MTOR: variants seen among roughly 807,000 people sequenced by gnomAD.
MTOR encodes serine/threonine-protein kinase mTOR.
MTOR carries 70 observed loss-of-function variants against 319.8 expected under a neutral mutation model. That is an observed-to-expected ratio of 0.22 (90% CI 0.18 to 0.27). MTOR has a LOEUF of 0.27. Among genes scored for constraint, MTOR ranks in the 10% least tolerant of loss-of-function variants. The pLI is 1.00. For missense variants in MTOR, 1,890 were observed against 3,274.4 expected, an observed-to-expected ratio of 0.58 and a Z score of 10.32; for synonymous variants, 1,183 against 1,211.4, an observed-to-expected ratio of 0.98 and a Z score of 0.49.
intron 29 of MTOR, among the ~76,000 whole-genome samples, chr1:11,165,997 G>C (rs1644632455): frequency 6.6e-6 from 1 of 152,172 alleles, no homozygotes; most frequent in African/African-American, 2.4e-5. Flanking sequence ...ATGGGGGAAG[G>C]ATTCCCTATT....
intron 25 of MTOR, among the ~76,000 whole-genome samples, chr1:11,209,049 A>ATTTTTTTTTACATATT (rs1198627081): frequency 6.6e-6 from 1 of 152,216 alleles, no homozygotes; most frequent in Non-Finnish European, 1.5e-5. Flanking sequence ...AAAAATGAGA[A>ATTTTTTTTTACATATT]TGTATTTGCA....
chr1:11,153,933 G>A lies in MTOR; in HGVS notation c.4469+3219C>T, dbSNP rs1249870389. ...AAAATACAAAAATCAGCCGGGAGTGGTGGTGCATGCCTGTAATCCCAGCTA... is the reference window on the plus strand; with the variant it reads ...AAAATACAAAAATCAGCCGGGAGTGATGGTGCATGCCTGTAATCCCAGCTA... On this transcript the variant is annotated intron_variant, in intron 30 of 57. Coordinates refer to ENST00000361445, the MANE Select transcript of MTOR (RefSeq NM_004958.4). 8.6e-5 allele frequency among the ~76,000 whole-genome samples: 13 copies of A among 151,534 alleles called. No individual in the cohort carries two copies. In the South Asian group the frequency reaches 2.7e-3, roughly 32 times the overall value.
At chr1:11,130,479 G>C (rs12117323) in intron 39 of MTOR, 50 bp downstream of exon 39, 14 of 1,584,070 alleles carry the variant, frequency 8.8e-6, no homozygotes, top group Non-Finnish European at 1.2e-5. Flanking sequence ...CCATTTCTCA[G>C]AGAGCCTGGC....
Position 11,146,802 on chromosome 1 carries a change from A to G in MTOR, c.4571-11T>C. ...TGCTGTCCCACTGACCTATACACAC[A>G]CACATAGACAGAAAGCATCAAGGGG... On this transcript the variant is annotated splice_polypyrimidine_tract_variant and intron_variant, in intron 31 of 57. Coordinates refer to ENST00000361445, the MANE Select transcript of MTOR (RefSeq NM_004958.4). The G allele has an allele frequency of 6.3e-7, 1 of 1,598,740 alleles. No individual in the cohort carries two copies. The highest frequency in any genetic ancestry group is 8.6e-7 in the Non-Finnish European group (1 of 1,166,088).
chr1:11,203,975 G>A (rs898347520), intron 26 of MTOR, among the ~76,000 whole-genome samples: 7 of 87,932 alleles, frequency 8.0e-5, no homozygotes, highest in African/African-American at 1.9e-4. Flanking sequence ...GAAGGCCCAA[G>A]CAAACTCATG....
intron 6 of MTOR, among the ~76,000 whole-genome samples, chr1:11,251,197 C>G (rs1649626472): frequency 6.6e-6 from 1 of 152,150 alleles, no homozygotes. Context: ...GACCCCATAT[C>G]CCCACACACT....
At position 11,129,724 on chromosome 1, in the gene MTOR, C is replaced by T. The variant is rs896367136; in HGVS notation, c.5714+14G>A. On this transcript the variant is annotated intron_variant, in intron 40 of 57. Transcript: ENST00000361445. This position sits in a 1 kb window ranked among gnomAD's most constrained non-coding sequence, Gnocchi z 4.7. ...CATGGCCTACCAGAGTTGCATCCTT[C>T]CCTTCTCTGATACCTGAGTGTATCC... is the stretch of plus-strand genomic sequence containing the variant. 8.1e-6 allele frequency: 13 copies of T among 1,609,930 alleles called. No individual in the cohort carries two copies. The highest frequency in any genetic ancestry group is 3.3e-5 in the Admixed American group (2 of 59,944).
intron 49 of MTOR, among the ~76,000 whole-genome samples, chr1:11,117,431 G>A (rs1642228687): frequency 6.6e-6 from 1 of 152,186 alleles, no homozygotes; most frequent in Non-Finnish European, 1.5e-5. Flanking sequence ...AAAATGCTGG[G>A]ATCACAGGCC....
chr1:11,173,392 G>A (rs537604763), intron 28 of MTOR, among the ~76,000 whole-genome samples: 2 of 151,938 alleles, frequency 1.3e-5, no homozygotes, highest in East Asian at 1.9e-4. Context: ...CTGGACTCAC[G>A]CAATCCTCCC....
chr1:11,109,206 C>T lies in MTOR; in HGVS notation c.7528+84G>A. The stretch of plus-strand genomic sequence containing the variant: ...GTGCCAAAGCTCGTCACTAACACCA[C>T]TGGACATGGGGCTGACCACCACTCA... On this transcript the variant is annotated intron_variant, in intron 56 of 57. Coordinates refer to ENST00000361445, the MANE Select transcript of MTOR (RefSeq NM_004958.4). The surrounding 1 kb of genome is among the most constrained non-coding windows in gnomAD (Gnocchi z 4.0). The T allele has an allele frequency of 7.9e-6, 10 of 1,262,656 alleles. No homozygotes were observed. The highest frequency in any genetic ancestry group is 1.1e-5 in the Non-Finnish European group (10 of 883,704). 78.2% of individuals were successfully genotyped at this position (1,262,656 alleles called of 1,614,324 possible).
intron 28 of MTOR, among the ~76,000 whole-genome samples, chr1:11,191,727 G>T (rs761299215): frequency 3.9e-5 from 6 of 152,166 alleles, no homozygotes; most frequent in Non-Finnish European, 7.3e-5. Flanking sequence ...GTTTTGAGGT[G>T]CTAGCTGGAT....
chr1:11,238,121 C>A, intron 12 of MTOR, 73 bp from the exon 13 acceptor site: 1 of 1,422,210 alleles, frequency 7.0e-7, no homozygotes, highest in Non-Finnish European at 9.9e-7. Flanking sequence ...CTTCTACCTC[C>A]ACTGCCATCA....
At position 11,180,057 on chromosome 1, in the gene MTOR, G is replaced by A. The variant is rs141342766; in HGVS notation, c.4254-12540C>T. Reference sequence around the variant, plus strand: ...CTCCTGAGTAGCTGAGACCACAAGCGCATGCCATCATGCCCCACTAAACTT... The same window carrying A: ...CTCCTGAGTAGCTGAGACCACAAGCACATGCCATCATGCCCCACTAAACTT... On this transcript the variant is annotated intron_variant, in intron 28 of 57. Coordinates refer to ENST00000361445, the MANE Select transcript of MTOR (RefSeq NM_004958.4). Among the ~76,000 whole-genome samples, 14 of 152,230 alleles carry A rather than the reference G, an allele frequency of 9.2e-5. No homozygotes were observed. In the East Asian group the frequency reaches 1.2e-3, roughly 13 times the overall value.
chr1:11,132,862 G>A, intron 38 of MTOR: 5 of 538,592 alleles, frequency 9.3e-6, no homozygotes, highest in Non-Finnish European at 1.7e-5. Flanking sequence ...CATAATAATG[G>A]TGTAACAAGT....
intron 19 of MTOR, among the ~76,000 whole-genome samples, chr1:11,224,574 A>G (rs1431780375): frequency 1.3e-5 from 2 of 152,226 alleles, no homozygotes; most frequent in Non-Finnish European, 2.9e-5. Context: ...AATTCAATCT[A>G]ATGACTTATG....
Position 11,231,064 on chromosome 1 carries a change from A to T in MTOR, c.2650-10T>A, listed in dbSNP as rs915717469. On this transcript the variant is annotated splice_polypyrimidine_tract_variant and intron_variant, in intron 17 of 57. Transcript: ENST00000361445. ...CTAACACACGGATGGCCTGCGTGGGAAAGGGGAGGGAAAAAAGAAAACATT... is the reference window on the plus strand; with the variant it reads ...CTAACACACGGATGGCCTGCGTGGGTAAGGGGAGGGAAAAAAGAAAACATT... 6.2e-7 allele frequency: 1 copy of T among 1,614,152 alleles called. No homozygotes were observed. Among genetic ancestry groups the T allele is most frequent in the African/African-American group, 1.3e-5 (1 of 75,032 alleles).
rs764725826 is a variant in MTOR, at chr1:11,167,493, C to A, written c.4278G>T (p.Pro1426=). Residue 1426 remains proline (P), a synonymous_variant, in exon 29 of 58, where the codon CCG becomes CCT. Transcript: ENST00000361445. The part of the protein sequence containing the change: ...LISINNKLQQ[P]EAAAGVLEYA... The stretch of plus-strand genomic sequence containing the variant: ...ATTCTAACACTCCGGCCGCTGCCTC[C>A]GGCTGCTGTAGCTTATTATTAATGC... 2 of 1,612,830 alleles carry A rather than the reference C, an allele frequency of 1.2e-6. No homozygotes were observed. The highest frequency in any genetic ancestry group is 1.6e-4 in the Middle Eastern group (1 of 6,084).
chr1:11,228,976 A>G, intron 18 of MTOR, 58 bp from the exon 19 acceptor site: 1 of 1,593,420 alleles, frequency 6.3e-7, no homozygotes, highest in Non-Finnish European at 8.6e-7. Flanking sequence ...GACTTCAGGC[A>G]GAGCATGGTT....
chr1:11,253,732 G>A (rs1422810348), intron 6 of MTOR, 107 bp downstream of exon 6: 1 of 1,269,224 alleles, frequency 7.9e-7, no homozygotes, highest in Non-Finnish European at 1.1e-6. Flanking sequence ...TATTTATTAT[G>A]TTTCCTGCCA....
Sources: gnomAD v4.1 joint callset for allele counts (sites outside exome capture counted in the v4.1 genomes callset) on GRCh38, gnomAD v4.1.1 for gene constraint, Gnocchi (gnomAD v3.1) non-coding constraint, MANE v1.5 for transcripts, NCBI Gene and HGNC (gene_info 2026-07-23, HGNC 2026-07-21) for gene names.